RAP1GAP2: variants seen among roughly 807,000 people sequenced by gnomAD.
RAP1GAP2 encodes the protein rap1 GTPase-activating protein 2.
In RAP1GAP2, 27 loss-of-function variants were observed where a neutral mutation model predicts 95.0. That is an observed-to-expected ratio of 0.28 (90% CI 0.21 to 0.39). RAP1GAP2 has a LOEUF of 0.39. RAP1GAP2 is among the 10% of genes least tolerant of loss of function. The pLI, the probability that RAP1GAP2 is intolerant of heterozygous loss-of-function variation, is 1.00. For missense variants in RAP1GAP2, 771 were observed against 970.0 expected, an observed-to-expected ratio of 0.79 and a Z score of 2.72; for synonymous variants, 373 against 380.9, an observed-to-expected ratio of 0.98 and a Z score of 0.24.
chr17:2,941,263 A>G, intron 3 of RAP1GAP2, among the ~76,000 whole-genome samples: 1 of 152,026 alleles, frequency 6.6e-6, no homozygotes, highest in East Asian at 1.9e-4. Flanking sequence ...TTAGCTGGGC[A>G]TGGTGGCACG....
chr17:2,810,522 C>CTTTTTTTT lies in RAP1GAP2; in HGVS notation c.80+9991_80+9998dup, dbSNP rs1169922962. Among the ~76,000 whole-genome samples, 31 of 69,434 alleles carry CTTTTTTTT rather than the reference C, an allele frequency of 4.5e-4. 8 individuals are homozygous for CTTTTTTTT. Among genetic ancestry groups the CTTTTTTTT allele is most frequent in the African/African-American group, 1.8e-3 (30 of 17,116 alleles). The allele number at this position is 69,434 out of a possible 152,430, so 45.6% of individuals were successfully genotyped here. On this transcript the variant is annotated intron_variant, in intron 2 of 24. Coordinates refer to ENST00000254695, the MANE Select transcript of RAP1GAP2 (RefSeq NM_015085.5). ...GCTATCCCTCCCCTGTCCCCCCACC[C>CTTTTTTTT]TTTTTTTTTTTTTTTTTTTTTTTTT...
chr17:2,783,827 T>C (rs149975245), intron 1 of RAP1GAP2, among the ~76,000 whole-genome samples: 1 of 152,342 alleles, frequency 6.6e-6, no homozygotes, highest in African/African-American at 2.4e-5. Context: ...TTGCTGGCTG[T>C]TGGCTTTGGG....
chr17:2,987,820 G>C (rs2045607653), intron 11 of RAP1GAP2, among the ~76,000 whole-genome samples: 1 of 152,178 alleles, frequency 6.6e-6, no homozygotes, highest in Non-Finnish European at 1.5e-5. Flanking sequence ...TGGAGCCCAA[G>C]TTCTGCTTTT....
intron 2 of RAP1GAP2, among the ~76,000 whole-genome samples, chr17:2,809,245 C>T (rs1033353450): frequency 2.6e-5 from 4 of 152,214 alleles, no homozygotes; most frequent in Admixed American, 6.5e-5. Context: ...AGGCAGGGAG[C>T]CGGCTGGCAG....
intron 2 of RAP1GAP2, among the ~76,000 whole-genome samples, chr17:2,802,885 G>T (rs2069363031): frequency 6.6e-6 from 1 of 152,150 alleles, no homozygotes; most frequent in African/African-American, 2.4e-5. Context: ...AGGTGTCAGG[G>T]CAAGTCACCC....
At chr17:2,828,947 G>C (rs918089635) in intron 2 of RAP1GAP2, among the ~76,000 whole-genome samples, 2 of 150,766 alleles carry the variant, frequency 1.3e-5, no homozygotes, top group East Asian at 1.9e-4. Context: ...ATTGCTCCCT[G>C]GGGGGGCAGG....
intron 2 of RAP1GAP2, among the ~76,000 whole-genome samples, chr17:2,892,369 A>G (rs4790099): frequency 0.63 from 95,628 of 151,916 alleles, 30,382 homozygotes; most frequent in South Asian, 0.73. Context: ...ATTATGCTCA[A>G]GTTCTGTGGG....
rs896424067 is a variant in RAP1GAP2 at position 2,816,361 on chromosome 17, G to A, written c.80+15811G>A. On this transcript the variant is annotated intron_variant, in intron 2 of 24. Transcript: ENST00000254695. ...TTATTTATTTATTTATTTTTGAGAC[G>A]GAGTCTCACTCTGTCGCCCAGGCTG... is the stretch of plus-strand genomic sequence containing the variant. Among the ~76,000 whole-genome samples, 10 of 151,164 alleles carry A rather than the reference G, an allele frequency of 6.6e-5. 1 individual carries two copies. Among genetic ancestry groups the A allele is most frequent in the Admixed American group, 4.0e-4 (6 of 15,108 alleles).
intron 2 of RAP1GAP2, among the ~76,000 whole-genome samples, chr17:2,807,279 G>GTCTTTGTTTACTGTAGATTACAAGAAT (rs1567665492): frequency 1.3e-5 from 2 of 152,170 alleles, no homozygotes; most frequent in Non-Finnish European, 2.9e-5. Flanking sequence ...TGGCCACTGG[G>GTCTTTGTTTACTGTAGATTACAAGAAT]TCTTTGTTTA....
At chr17:2,858,136 C>T (rs74252350) in intron 2 of RAP1GAP2, among the ~76,000 whole-genome samples, 15,516 of 152,160 alleles carry the variant, frequency 0.1, 1,175 homozygotes, top group East Asian at 0.28. Flanking sequence ...TGGATAAAGT[C>T]ACTGTGGCCT....
At chr17:2,985,543 G>A (rs746584846) in intron 11 of RAP1GAP2, among the ~76,000 whole-genome samples, 2 of 152,158 alleles carry the variant, frequency 1.3e-5, no homozygotes, top group Admixed American at 6.5e-5. Context: ...CAACCATGGT[G>A]GAAGTATTTA....
intron 2 of RAP1GAP2, among the ~76,000 whole-genome samples, chr17:2,854,930 A>T (rs926656401): frequency 2.0e-5 from 3 of 152,182 alleles, no homozygotes; most frequent in African/African-American, 7.2e-5. Context: ...TGCCGGGATC[A>T]GGATTTGGGG....
At chr17:2,985,522 C>T (rs576933650) in intron 11 of RAP1GAP2, among the ~76,000 whole-genome samples, 5 of 152,312 alleles carry the variant, frequency 3.3e-5, no homozygotes, top group African/African-American at 1.2e-4. Context: ...ATCATGTTGG[C>T]AGCTTGAAGT....
chr17:2,960,429 C>T (rs2044272431), intron 4 of RAP1GAP2, among the ~76,000 whole-genome samples: 1 of 152,190 alleles, frequency 6.6e-6, no homozygotes, highest in South Asian at 2.1e-4. Context: ...GTGAGGGGAG[C>T]GCCTGTTCAG....
intron 3 of RAP1GAP2, among the ~76,000 whole-genome samples, chr17:2,942,909 A>C (rs1043215547): frequency 6.6e-6 from 1 of 152,036 alleles, no homozygotes; most frequent in African/African-American, 2.4e-5. Flanking sequence ...CTGGGATGAC[A>C]GGCACTCACC....
At chr17:2,800,572 T>A (rs1567659311) in intron 2 of RAP1GAP2, 22 bp downstream of exon 2, 1 of 1,610,266 alleles carries the variant, frequency 6.2e-7, no homozygotes, top group Non-Finnish European at 8.5e-7. Context: ...TTTCCTGTTC[T>A]GTAAAGGTCA....
chr17:2,789,607 T>TAAAAA (rs546111176), intron 1 of RAP1GAP2, among the ~76,000 whole-genome samples: 2 of 74,804 alleles, frequency 2.7e-5, no homozygotes, highest in Non-Finnish European at 4.8e-5. Context: ...CAGTCTCTAC[T>TAAAAA]AAAAAAAAAA....
intron 12 of RAP1GAP2, among the ~76,000 whole-genome samples, chr17:2,992,362 A>G (rs780366725): frequency 6.6e-6 from 1 of 151,938 alleles, no homozygotes; most frequent in Non-Finnish European, 1.5e-5. Context: ...GGGTTTCACC[A>G]TGCTAGCCAG....
At chr17:2,782,591 A>C (rs1219894939) in intron 1 of RAP1GAP2, among the ~76,000 whole-genome samples, 1 of 151,724 alleles carries the variant, frequency 6.6e-6, no homozygotes. Flanking sequence ...AATTTATCTC[A>C]CCATAATCAC....
Sources: gnomAD v4.1 joint callset for allele counts (sites outside exome capture counted in the v4.1 genomes callset) on GRCh38, gnomAD v4.1.1 for gene constraint, MANE v1.5 for transcripts, NCBI Gene and HGNC (gene_info 2026-07-23, HGNC 2026-07-21) for gene names.